Variants in CD93 observed in about 807,000 individuals in gnomAD.
CD93 encodes the protein complement component C1q receptor.
A neutral mutation model predicts 45.5 loss-of-function variants in CD93; 44 were observed. The ratio of observed to expected loss-of-function variants is 0.97; its 90% CI spans 0.76 to 1.24. CD93 has a LOEUF of 1.24. CD93 is among the 50% of genes most tolerant of loss of function. CD93 has a pLI of 0.00. For synonymous variants in CD93, 431 were observed against 370.8 expected (o/e 1.16, Z -1.87); for missense variants, 918 against 844.5 (o/e 1.09, Z -1.08).
In CD93 at chr20:23,080,050, G is replaced by A. The variant is rs1019945325; in HGVS notation, c.*3900C>T. 2 of 152,176 alleles carry A rather than the reference G, an allele frequency of 1.3e-5. No homozygotes were observed. The highest frequency in any genetic ancestry group is 2.4e-5 in the African/African-American group (1 of 41,368). The allele number at this position is 152,176 out of a possible 1,614,324, so 9.4% of individuals were successfully genotyped here. A position where few individuals can be genotyped will look rare whatever the true frequency, so the allele number is the denominator to read the frequency against. On this transcript the variant is annotated 3_prime_UTR_variant, in exon 2 of 2. Transcript: ENST00000246006. ...CGAAGTAGAGACAGATGTTTTCTGG[G>A]ATCATATCTCAGATTCCCAAGCTAA...
In CD93 at chr20:23,083,973, G is replaced by A; in HGVS notation, c.1936C>T (p.Pro646Ser). 6.2e-7 allele frequency: 1 copy of A among 1,614,116 alleles called. No individual in the cohort carries two copies. Among genetic ancestry groups the A allele is most frequent in the South Asian group, 1.1e-5 (1 of 91,070 alleles). ...ESRAMENQYS[P>S]TPGTDC is the part of the protein sequence containing the mutation. ...TTTCAGCAGTCTGTCCCAGGTGTCGGACTATGGGAAACAAAACAGACAGCG... is the reference window on the plus strand; with the variant it reads ...TTTCAGCAGTCTGTCCCAGGTGTCGAACTATGGGAAACAAAACAGACAGCG... The change falls in exon 2 of 2, where the codon CCG becomes TCG. Residue 646 changes from proline (P) to serine (S), a missense_variant and splice_region_variant. Physicochemically the swap from Pro to Ser is moderately conservative, Grantham distance 74. Transcript: ENST00000246006.
In CD93 at chr20:23,084,256, T is replaced by A; in HGVS notation, c.1934+3A>T. ...TCCCCCGGTCACTCAGGGCCCCCTTTACCTGTACTGGTTCTCCATGGCCCT... is the reference window on the plus strand; with the variant it reads ...TCCCCCGGTCACTCAGGGCCCCCTTAACCTGTACTGGTTCTCCATGGCCCT... On this transcript the variant is annotated splice_donor_region_variant and intron_variant, in intron 1 of 1. Coordinates refer to ENST00000246006, the MANE Select transcript of CD93 (RefSeq NM_012072.4). The A allele has an allele frequency of 3.1e-6, 5 of 1,613,428 alleles. No individual in the cohort carries two copies. The highest frequency in any genetic ancestry group is 3.4e-6 in the Non-Finnish European group (4 of 1,179,858).
rs1175246236 is a variant in CD93 at position 23,086,239 on chromosome 20, G to A, written c.-47C>T. On this transcript the variant is annotated 5_prime_UTR_variant, in exon 1 of 2. Transcript: ENST00000246006. ...TGCGGGAGGCGAGAAGCCCAGCGGC[G>A]ACAGGAGCTTCTATCTCGGCTCCCA... 1.3e-5 allele frequency: 19 copies of A among 1,462,550 alleles called. No homozygotes were observed. The South Asian group carries it at 2.1e-4, about 16-fold the overall frequency. 90.6% of individuals were successfully genotyped at this position (1,462,550 alleles called of 1,614,324 possible).
In CD93 at chr20:23,086,266, C is replaced by G; in HGVS notation, c.-74G>C. ...CAGGAGCTTCTATCTCGGCTCCCAG[C>G]TGGGCCCCAAGGGGAGCTGAGGGGT... is the stretch of plus-strand genomic sequence containing the variant. On this transcript the variant is annotated 5_prime_UTR_variant, in exon 1 of 2. Coordinates refer to ENST00000246006, the MANE Select transcript of CD93 (RefSeq NM_012072.4). 1 of 1,448,806 alleles carries G rather than the reference C, an allele frequency of 6.9e-7. No individual in the cohort carries two copies. The highest frequency in any genetic ancestry group is 1.4e-5 in the South Asian group (1 of 70,240). The allele number at this position is 1,448,806 out of a possible 1,614,324, so 89.7% of individuals were successfully genotyped here.
rs760925900 is a variant in CD93 at position 23,084,650 on chromosome 20, T to C, written c.1543A>G (p.Thr515Ala). The C allele has an allele frequency of 1.5e-5, 24 of 1,597,640 alleles. No homozygotes were observed. The East Asian group carries it at 5.1e-4, about 34-fold the overall frequency. The change falls in exon 1 of 2, where the codon ACC becomes GCC. Residue 515 changes from threonine (T) to alanine (A), a missense_variant. Thr to Ala is a moderately conservative substitution (Grantham distance 58). Transcript: ENST00000246006. ...GATGACAGCGAAGGTCTACTTGTGG[T>C]GGGTGTAGCCTTGGGGGTGCCCTCG... ...GPEGTPKATP[T>A]TSRPSLSSDA...
Position 23,084,791 on chromosome 20 carries a change from T to C in CD93, c.1402A>G (p.Thr468Ala). Residue 468 changes from threonine (T) to alanine (A), a missense_variant, in exon 1 of 2, where the codon ACC (threonine) becomes GCC (alanine). Coordinates refer to ENST00000246006, the MANE Select transcript of CD93 (RefSeq NM_012072.4). The part of the protein sequence containing the change: ...WVLAPNGVSC[T>A]MGPVSLGPPS... ...GGTCCCAGAGACACAGGCCCCATGG[T>C]GCAAGAGACCCCATTTGGGGCCAGC... 6.2e-7 allele frequency: 1 copy of C among 1,613,130 alleles called. No homozygotes were observed. Among genetic ancestry groups the C allele is most frequent in the Non-Finnish European group, 8.5e-7 (1 of 1,179,908 alleles).
intron 1 of CD93, 39 bp from the exon 2 acceptor site, chr20:23,084,013 G>T (rs368817222): frequency 1.9e-6 from 3 of 1,611,852 alleles, no homozygotes; most frequent in East Asian, 2.2e-5. Context: ...AAGCCATGGC[G>T]CCTCTGTGCC....
Position 23,084,876 on chromosome 20 carries a change from G to T in CD93, c.1317C>A (p.Cys439Ter). Reference protein sequence around the residue: ...DECVGPGGPLCDSLCFNTQGS... With the variant: ...DECVGPGGPL ...CTTGTGTGTTGAAGCACAAGCTGTC[G>T]CAGAGGGGGCCCCCCGGGCCCACAC... is the stretch of plus-strand genomic sequence containing the variant. Residue 439 changes from cysteine (C) to a stop codon, truncating the protein, a stop_gained, in exon 1 of 2, where the codon TGC (cysteine) becomes TGA (stop). Coordinates refer to ENST00000246006, the MANE Select transcript of CD93 (RefSeq NM_012072.4). LOFTEE classifies it high-confidence loss of function. 6.2e-7 allele frequency: 1 copy of T among 1,612,998 alleles called. No individual in the cohort carries two copies. The highest frequency in any genetic ancestry group is 1.1e-5 in the South Asian group (1 of 91,038).
Position 23,085,979 on chromosome 20 carries a change from C to T in CD93, c.214G>A (p.Val72Ile), listed in dbSNP as rs547369550. 6.8e-6 allele frequency: 11 copies of T among 1,610,744 alleles called. No individual in the cohort carries two copies. The African/African-American group carries it at 1.2e-4, about 18-fold the overall frequency. The change falls in exon 1 of 2, where the codon GTC becomes ATC. Residue 72 changes from valine (V) to isoleucine (I), a missense_variant. By Grantham distance (29) the Val-to-Ile change is conservative. Coordinates refer to ENST00000246006, the MANE Select transcript of CD93 (RefSeq NM_012072.4). ...AGGAGCTGGGCCAGTACTCGCTGGA[C>T]GTGCTGGGCCTCCTCCTTGCTCTTC... ...TVKSKEEAQH[V>I]QRVLAQLLRR...
At position 23,085,580 on chromosome 20, in the gene CD93, AG is replaced by A. The variant is rs1488141796; in HGVS notation, c.612del (p.Phe205SerfsTer19). 2 of 1,613,828 alleles carry A rather than the reference AG, an allele frequency of 1.2e-6. No individual in the cohort carries two copies. The highest frequency in any genetic ancestry group is 8.5e-7 in the Non-Finnish European group (1 of 1,180,030). ...GGPGQVTYTT[P>X]FQTTSSSLEA... ...TCCAAGGAGGAACTGGTGGTCTGGA[AG>A]GGGGTGGTGTAGGTCACCTGACCTG... On this transcript the variant is annotated frameshift_variant, in exon 1 of 2. Coordinates refer to ENST00000246006, the MANE Select transcript of CD93 (RefSeq NM_012072.4). LOFTEE classifies it high-confidence loss of function.
rs1277666594 is a variant in CD93 at position 23,082,967 on chromosome 20, T to A, written c.*983A>T. On this transcript the variant is annotated 3_prime_UTR_variant, in exon 2 of 2. Coordinates refer to ENST00000246006, the MANE Select transcript of CD93 (RefSeq NM_012072.4). ...CCTTTAGGAAACAGCCTGATGGAAC[T>A]TTCTGCAGGGCTTCCTCTGTCTGAG... 1 of 152,676 alleles carries A rather than the reference T, an allele frequency of 6.5e-6. No homozygotes were observed. Among genetic ancestry groups the A allele is most frequent in the Non-Finnish European group, 1.5e-5 (1 of 68,058 alleles). The allele number at this position is 152,676 out of a possible 1,614,324, so 9.5% of individuals were successfully genotyped here.
In CD93 at chr20:23,083,651, A is replaced by C; in HGVS notation, c.*299T>G. On this transcript the variant is annotated 3_prime_UTR_variant, in exon 2 of 2. Transcript: ENST00000246006. Reference sequence around the variant, plus strand: ...GGAGCCCCTTAGCCCCGGCCTCCTCACACCCTGATCCGGAATTGGTCACAT... The same window carrying C: ...GGAGCCCCTTAGCCCCGGCCTCCTCCCACCCTGATCCGGAATTGGTCACAT... 2.0e-6 allele frequency: 1 copy of C among 499,844 alleles called. No individual in the cohort carries two copies. The allele number at this position is 499,844 out of a possible 1,614,324, so 31.0% of individuals were successfully genotyped here. A position where few individuals can be genotyped will look rare whatever the true frequency, so the allele number is the denominator to read the frequency against.
chr20:23,083,997 C>T (rs200346711), intron 1 of CD93, 23 bp from the exon 2 acceptor site: 22 of 1,613,798 alleles, frequency 1.4e-5, no homozygotes, highest in Admixed American at 1.3e-4. Flanking sequence ...AAACAGACAG[C>T]GTTGGAAGCC....
rs200857492 is a variant in CD93, at chr20:23,085,466, T to A, written c.727A>T (p.Lys243Ter). 11 of 1,613,772 alleles carry A rather than the reference T, an allele frequency of 6.8e-6. No individual in the cohort carries two copies. The highest frequency in any genetic ancestry group is 9.3e-6 in the Non-Finnish European group (11 of 1,180,034). The change falls in exon 1 of 2, where the codon AAG becomes TAG. Residue 243 changes from lysine to a stop codon, truncating the protein, a stop_gained. Transcript: ENST00000246006. LOFTEE classifies it high-confidence loss of function. The part of the protein sequence containing the change: ...TQSHYFLCKE[K>*]APDVFDWGSS... ...CCCCAGTCGAACACATCGGGGGCCT[T>A]CTCCTTGCACAGGAAATAATGACTC...
rs1469775937 is a variant in CD93 at position 23,084,989 on chromosome 20, T to C, written c.1204A>G (p.Asn402Asp). The change falls in exon 1 of 2, where the codon AAC becomes GAC. Residue 402 changes from asparagine to aspartate, a missense_variant. Asn to Asp is a conservative substitution (Grantham distance 23). Transcript: ENST00000246006. ...GRSPCAQGCT[N>D]TDGSFHCSCE... ...GAGCAGTGAAATGAGCCATCTGTGT[T>C]GGTGCAGCCCTGGGCGCAAGGCGAG... 1.2e-6 allele frequency: 2 copies of C among 1,613,778 alleles called. No individual in the cohort carries two copies. The highest frequency in any genetic ancestry group is 2.7e-5 in the African/African-American group (2 of 74,918).
chr20:23,086,141 G>A lies in CD93; in HGVS notation c.52C>T (p.Pro18Ser). ...LLLLLLLLTQ[P>S]GAGTGADTEA... ...GTGTCAGCTCCCGTCCCCGCCCCGG[G>A]CTGGGTCAGGAGCAGCAGCAGCAGC... Residue 18 changes from proline to serine, a missense_variant, in exon 1 of 2, where the codon CCC becomes TCC. Pro to Ser is a moderately conservative substitution (Grantham distance 74, BLOSUM62 -1). Coordinates refer to ENST00000246006, the MANE Select transcript of CD93 (RefSeq NM_012072.4). 6.3e-7 allele frequency: 1 copy of A among 1,577,776 alleles called. No individual in the cohort carries two copies. The highest frequency in any genetic ancestry group is 2.3e-5 in the East Asian group (1 of 43,814).
rs41422448 is a variant in CD93 at position 23,083,783 on chromosome 20, GA to G, written c.*166del. On this transcript the variant is annotated 3_prime_UTR_variant, in exon 2 of 2. Transcript: ENST00000246006. ...ACTTCAGGAACATCAAACACCCGTAGAAAATACCTGCATGTTCCAAGGGGCC... is the reference window on the plus strand; with the variant it reads ...ACTTCAGGAACATCAAACACCCGTAGAAATACCTGCATGTTCCAAGGGGCC... 5.3e-3 allele frequency: 3,632 copies of G among 684,690 alleles called. 106 individuals carry two copies. The African/African-American group carries it at 0.058, about 11-fold the overall frequency. 42.4% of individuals were successfully genotyped at this position (684,690 alleles called of 1,614,324 possible). A position where few individuals can be genotyped will look rare whatever the true frequency, so the allele number is the denominator to read the frequency against.
rs751483070 is a variant in CD93 at position 23,085,295 on chromosome 20, A to G, written c.898T>C (p.Cys300Arg). The G allele has an allele frequency of 6.2e-6, 10 of 1,613,974 alleles. No individual in the cohort carries two copies. The highest frequency in any genetic ancestry group is 8.5e-6 in the Non-Finnish European group (10 of 1,180,016). Residue 300 changes from cysteine (C) to arginine (R), a missense_variant, in exon 1 of 2, where the codon TGT (cysteine) becomes CGT (arginine). Cys to Arg is a radical substitution (Grantham distance 180). Coordinates refer to ENST00000246006, the MANE Select transcript of CD93 (RefSeq NM_012072.4). ...GFRLLDDLVT[C>R]ASRNPCSSSP... The stretch of plus-strand genomic sequence containing the variant: ...GAGCTGCAAGGGTTTCGAGAGGCAC[A>G]GGTCACCAGGTCATCCAGCAGCCGG...
In CD93 at chr20:23,085,519, C is replaced by G. The variant is rs1190030488; in HGVS notation, c.674G>C (p.Cys225Ser). 2.5e-6 allele frequency: 4 copies of G among 1,613,954 alleles called. No homozygotes were observed. The highest frequency in any genetic ancestry group is 3.4e-6 in the Non-Finnish European group (4 of 1,180,048). ...VPFASAANVA[C>S]GEGDKDETQS... ...AGTCTCGTCCTTGTCACCTTCCCCACAGGCTACATTGGCCGCAGAGGCAAA... is the reference window on the plus strand; with the variant it reads ...AGTCTCGTCCTTGTCACCTTCCCCAGAGGCTACATTGGCCGCAGAGGCAAA... The change falls in exon 1 of 2, where the codon TGT becomes TCT. Residue 225 changes from cysteine (C) to serine (S), a missense_variant. Physicochemically the swap from Cys to Ser is moderately radical, Grantham distance 112. Coordinates refer to ENST00000246006, the MANE Select transcript of CD93 (RefSeq NM_012072.4).
Sources: allele counts gnomAD v4.1 joint callset, GRCh38; gene constraint gnomAD v4.1.1; transcripts MANE v1.5; gene names NCBI Gene and HGNC (gene_info 2026-07-23, HGNC 2026-07-21).